Variants in GALNTL6 observed in about 807,000 individuals in gnomAD.
GALNTL6 encodes polypeptide N-acetylgalactosaminyltransferase like 6, also known as polypeptide N-acetylgalactosaminyltransferase-like 6.
A neutral mutation model predicts 73.7 loss-of-function variants in GALNTL6; 46 were observed. That is an observed-to-expected ratio of 0.62 (90% confidence interval 0.49 to 0.80). The LOEUF (loss-of-function observed/expected upper bound fraction) is 0.80, where lower values mean the gene tolerates loss of function less well. GALNTL6 is among the 30% of genes least tolerant of loss of function. The pLI, the probability that GALNTL6 is intolerant of heterozygous loss-of-function variation, is 0.00. For missense variants in GALNTL6, 604 were observed against 755.0 expected, an observed-to-expected ratio of 0.80 and a Z score of 2.34; for synonymous variants, 259 against 263.7, an observed-to-expected ratio of 0.98 and a Z score of 0.17.
At chr4:171,847,928 A>G (rs908208073) in intron 2 of GALNTL6, among the ~76,000 whole-genome samples, 3 of 152,150 alleles carry the variant, frequency 2.0e-5, no homozygotes, top group Non-Finnish European at 4.4e-5. Context: ...ACCTTCTCCC[A>G]TGAATCACAA....
intron 5 of GALNTL6, among the ~76,000 whole-genome samples, chr4:172,502,162 A>G (rs1040481879): frequency 2.0e-5 from 3 of 152,338 alleles, no homozygotes; most frequent in South Asian, 2.1e-4. Context: ...ATCACAAATT[A>G]TAACTTTATA....
intron 5 of GALNTL6, among the ~76,000 whole-genome samples, chr4:172,739,441 A>T (rs1486157666): frequency 6.6e-6 from 1 of 152,146 alleles, no homozygotes; most frequent in Non-Finnish European, 1.5e-5. Flanking sequence ...ACCGAGTAGT[A>T]ATTGTTACCA....
intron 8 of GALNTL6, among the ~76,000 whole-genome samples, chr4:172,903,721 T>A (rs1301924656): frequency 6.6e-6 from 1 of 152,164 alleles, no homozygotes. Context: ...GTCCTTCAAG[T>A]TGGAATGAGA....
At position 172,026,153 on chromosome 4, in the gene GALNTL6, A is replaced by T. The variant is rs991954657; in HGVS notation, c.139-203503A>T. On this transcript the variant is annotated intron_variant, in intron 2 of 12. Transcript: ENST00000506823. ...CGAATCATGTAATTTGCTCACTCAT[A>T]TAATATTATACCAAAATTACCTCCT... 2.0e-5 allele frequency among the ~76,000 whole-genome samples: 3 copies of T among 152,092 alleles called. No individual in the cohort carries two copies. The South Asian group carries it at 6.2e-4, about 32-fold the overall frequency.
At chr4:172,617,545 C>T (rs1330206367) in intron 5 of GALNTL6, among the ~76,000 whole-genome samples, 2 of 151,994 alleles carry the variant, frequency 1.3e-5, no homozygotes, top group Non-Finnish European at 2.9e-5. Context: ...GGCACGATCT[C>T]AGCTCACTGC....
intron 2 of GALNTL6, among the ~76,000 whole-genome samples, chr4:171,943,887 A>G (rs1202801144): frequency 6.7e-6 from 1 of 148,456 alleles, no homozygotes; most frequent in East Asian, 2.0e-4. Flanking sequence ...GCTATAGTTA[A>G]GAGACTAGAA....
intron 7 of GALNTL6, among the ~76,000 whole-genome samples, chr4:172,824,749 C>T (rs906289044): frequency 6.6e-6 from 1 of 151,974 alleles, no homozygotes; most frequent in African/African-American, 2.4e-5. Flanking sequence ...AGAGAATTCC[C>T]TATCTCAATC....
intron 5 of GALNTL6, among the ~76,000 whole-genome samples, chr4:172,653,107 T>C (rs181835797): frequency 7.2e-5 from 11 of 151,990 alleles, no homozygotes; most frequent in Non-Finnish European, 1.5e-4. Flanking sequence ...TCATCTCTCA[T>C]CTCCTGCTTG....
At chr4:172,463,030 T>G (rs1732672523) in intron 5 of GALNTL6, among the ~76,000 whole-genome samples, 1 of 152,172 alleles carries the variant, frequency 6.6e-6, no homozygotes, top group Non-Finnish European at 1.5e-5. Context: ...CCTTTTTAGA[T>G]CATTATAAGA....
At chr4:172,959,544 T>C (rs910723190) in intron 10 of GALNTL6, among the ~76,000 whole-genome samples, 5 of 151,702 alleles carry the variant, frequency 3.3e-5, no homozygotes, top group Non-Finnish European at 7.4e-5. Context: ...AAGAAGGGGA[T>C]AGACTTACCC....
At chr4:171,845,368 CTATT>C (rs1579504393) in intron 2 of GALNTL6, among the ~76,000 whole-genome samples, 1 of 152,186 alleles carries the variant, frequency 6.6e-6, no homozygotes, top group East Asian at 1.9e-4. Context: ...GATGTGGAGA[CTATT>C]TATCTATTGG....
In GALNTL6 at chr4:171,813,742, C is replaced by A. The variant is rs1734443767; in HGVS notation, c.-418C>A. On this transcript the variant is annotated 5_prime_UTR_variant, in exon 1 of 13. Coordinates refer to ENST00000506823, the MANE Select transcript of GALNTL6 (RefSeq NM_001034845.3). The surrounding 1 kb of genome is among the most constrained non-coding windows in gnomAD (Gnocchi z 5.2). ...TTCTCAGAGGATCGCATTCCGAGGA[C>A]CGCGCGAGGAAGGGACGTCGCGGCG... is the stretch of plus-strand genomic sequence containing the variant. The A allele has an allele frequency of 1.3e-5, 2 of 152,246 alleles. No individual in the cohort carries two copies. The highest frequency in any genetic ancestry group is 2.9e-5 in the Non-Finnish European group (2 of 68,100). The allele number at this position is 152,246 out of a possible 1,614,324, so 9.4% of individuals were successfully genotyped here. A position where few individuals can be genotyped will look rare whatever the true frequency, so the allele number is the denominator to read the frequency against.
chr4:172,351,177 A>ATCTGTCTG (rs71592071), intron 5 of GALNTL6, among the ~76,000 whole-genome samples: 2,398 of 146,614 alleles, frequency 0.016, 46 homozygotes, highest in African/African-American at 0.045. Context: ...ATCCACAATA[A>ATCTGTCTG]TCTGTCTATC....
chr4:172,354,650 A>G (rs2111226970), intron 5 of GALNTL6, among the ~76,000 whole-genome samples: 1 of 152,236 alleles, frequency 6.6e-6, no homozygotes, highest in East Asian at 1.9e-4. Flanking sequence ...ATAAAAACTC[A>G]ACTCATAAAA....
At chr4:172,323,632 C>A (rs554147211) in intron 4 of GALNTL6, among the ~76,000 whole-genome samples, 3 of 151,930 alleles carry the variant, frequency 2.0e-5, no homozygotes, top group Non-Finnish European at 2.9e-5. Flanking sequence ...TCCTTTATAT[C>A]GATTTTTTAA....
chr4:172,875,420 A>G (rs1186351076), intron 7 of GALNTL6, among the ~76,000 whole-genome samples: 2 of 152,212 alleles, frequency 1.3e-5, no homozygotes, highest in Non-Finnish European at 2.9e-5. Context: ...ACTTTAGCCA[A>G]GGTTCCAATC....
chr4:172,080,860 TGTA>T (rs1157137140), intron 2 of GALNTL6, among the ~76,000 whole-genome samples: 5 of 151,880 alleles, frequency 3.3e-5, no homozygotes, highest in Admixed American at 6.6e-5. Flanking sequence ...TATTTTATAT[TGTA>T]GTATATAAAT....
chr4:171,865,827 G>A (rs6840894), intron 2 of GALNTL6, among the ~76,000 whole-genome samples: 86,736 of 152,036 alleles, frequency 0.57, 26,323 homozygotes, highest in Non-Finnish European at 0.67. Context: ...AGACATTTTC[G>A]TGATTGTTTT....
intron 5 of GALNTL6, among the ~76,000 whole-genome samples, chr4:172,636,958 G>A (rs1739722136): frequency 6.6e-6 from 1 of 151,904 alleles, no homozygotes; most frequent in African/African-American, 2.4e-5. Context: ...GAAGAAATTG[G>A]TACAATGAGT....
Sources: gnomAD v4.1 joint callset for allele counts (sites outside exome capture counted in the v4.1 genomes callset) on GRCh38, gnomAD v4.1.1 for gene constraint, Gnocchi (gnomAD v3.1) non-coding constraint, MANE v1.5 for transcripts, NCBI Gene and HGNC (gene_info 2026-07-23, HGNC 2026-07-21) for gene names.